Variants in RARB observed in about 807,000 individuals in gnomAD.
RARB encodes the protein retinoic acid receptor beta.
Under a neutral mutation model 51.9 loss-of-function variants are expected in RARB, and 17 were observed. That is an observed-to-expected ratio of 0.33 (90% CI 0.22 to 0.49). The LOEUF (loss-of-function observed/expected upper bound fraction) is 0.49, where lower values mean the gene tolerates loss of function less well. Among genes scored for constraint, RARB ranks in the 20% least tolerant of loss-of-function variants. The pLI is 0.99. For synonymous variants in RARB, 215 were observed against 195.4 expected (o/e 1.10, Z -0.84); for missense variants, 369 against 550.8 (o/e 0.67, Z 3.30).
At chr3:24,959,320 A>T (rs1183838910) in intron 2 of RARB, among the ~76,000 whole-genome samples, 3 of 152,192 alleles carry the variant, frequency 2.0e-5, no homozygotes, top group South Asian at 4.1e-4. Flanking sequence ...TTTATTGCCA[A>T]TGGAAGTGGC....
rs1335862161 is a variant in RARB at position 25,093,750 on chromosome 3, C to T, written c.-328+33574C>T. Among the ~76,000 whole-genome samples, 3 of 152,120 alleles carry T rather than the reference C, an allele frequency of 2.0e-5. No individual in the cohort carries two copies. The East Asian group carries it at 5.8e-4, about 30-fold the overall frequency. ...GATGACCATAGCTCCACCTGGACTG[C>T]AGACCACTCCTGTGGCCCAGCCAGA... On this transcript the variant is annotated intron_variant, in intron 3 of 11. Transcript: ENST00000383772.
chr3:25,283,744 G>C (rs914119302), intron 5 of RARB, among the ~76,000 whole-genome samples: 3 of 152,194 alleles, frequency 2.0e-5, no homozygotes, highest in African/African-American at 7.2e-5. Context: ...ACAGCCACAG[G>C]CCCTTCTAAG....
At chr3:24,845,847 C>T (rs756842938) in intron 1 of RARB, among the ~76,000 whole-genome samples, 1 of 152,188 alleles carries the variant, frequency 6.6e-6, no homozygotes, top group Non-Finnish European at 1.5e-5. Context: ...TTTCCTGTGT[C>T]TCACAAGGTT....
chr3:25,319,370 C>G (rs1704507060), intron 5 of RARB, among the ~76,000 whole-genome samples: 1 of 152,170 alleles, frequency 6.6e-6, no homozygotes, highest in Non-Finnish European at 1.5e-5. Context: ...GGAAAGATAA[C>G]TAGTTTCCCT....
At chr3:24,942,872 C>T (rs2125401017) in intron 2 of RARB, among the ~76,000 whole-genome samples, 1 of 152,104 alleles carries the variant, frequency 6.6e-6, no homozygotes, top group East Asian at 1.9e-4. Flanking sequence ...AACCTGGCTC[C>T]ATCATTTAGC....
chr3:24,901,033 C>T (rs187888467), intron 2 of RARB, among the ~76,000 whole-genome samples: 26 of 152,318 alleles, frequency 1.7e-4, no homozygotes, highest in Admixed American at 1.6e-3. Flanking sequence ...TGTGTTTTTC[C>T]CTCCACTAGT....
chr3:24,861,752 C>A (rs190067905), intron 2 of RARB, among the ~76,000 whole-genome samples: 1 of 152,122 alleles, frequency 6.6e-6, no homozygotes, highest in African/African-American at 2.4e-5. Flanking sequence ...TGATATCACA[C>A]GTCATGTAGC....
intron 5 of RARB, among the ~76,000 whole-genome samples, chr3:25,318,975 T>C (rs1196946865): frequency 1.3e-5 from 2 of 152,212 alleles, no homozygotes; most frequent in Non-Finnish European, 2.9e-5. Context: ...CGGGACTCCA[T>C]GTTTATGTTT....
rs1330195221 is a variant in RARB, at chr3:24,983,385, A to G, written c.-379-76740A>G. 2.7e-5 allele frequency among the ~76,000 whole-genome samples: 4 copies of G among 150,876 alleles called. No individual in the cohort carries two copies. The East Asian group carries it at 7.8e-4, about 29-fold the overall frequency. ...TTTTATATTTATTTATTTATTTTCT[A>G]CCTTAAGTGCTGGGATACATGTGCA... On this transcript the variant is annotated intron_variant, in intron 2 of 11. Transcript: ENST00000383772.
At chr3:25,026,544 C>A (rs1476066410) in intron 2 of RARB, among the ~76,000 whole-genome samples, 8 of 152,164 alleles carry the variant, frequency 5.3e-5, no homozygotes, top group African/African-American at 1.9e-4. Context: ...ATAAGGACAT[C>A]AGTCAGATTG....
intron 2 of RARB, among the ~76,000 whole-genome samples, chr3:25,487,194 C>T (rs1052341966): frequency 6.6e-6 from 1 of 152,156 alleles, no homozygotes; most frequent in Non-Finnish European, 1.5e-5. Context: ...AATAGACACA[C>T]ATTACAGACG....
At chr3:25,532,630 C>T (rs1698974401) in intron 3 of RARB, among the ~76,000 whole-genome samples, 1 of 152,192 alleles carries the variant, frequency 6.6e-6, no homozygotes, top group African/African-American at 2.4e-5. Flanking sequence ...GCTTGACCAA[C>T]TGATTTGGTT....
chr3:25,567,877 C>G (rs1176085789), intron 3 of RARB, among the ~76,000 whole-genome samples: 1 of 152,134 alleles, frequency 6.6e-6, no homozygotes, highest in Non-Finnish European at 1.5e-5. Flanking sequence ...TCAGGCATTC[C>G]CTCCCCTCAG....
At chr3:25,392,890 T>A (rs572505902) in intron 5 of RARB, among the ~76,000 whole-genome samples, 60 of 152,286 alleles carry the variant, frequency 3.9e-4, no homozygotes, top group African/African-American at 1.4e-3. Context: ...TTCTTTCTCT[T>A]GTCTGATTGC....
intron 1 of RARB, among the ~76,000 whole-genome samples, chr3:25,436,755 G>T (rs1389902032): frequency 2.0e-5 from 3 of 151,940 alleles, no homozygotes; most frequent in East Asian, 1.9e-4. Flanking sequence ...CTAGAGAAGG[G>T]GGTATAATAA....
At chr3:25,106,464 TTTTGTTTTG>T (rs1699505347) in intron 3 of RARB, among the ~76,000 whole-genome samples, 4 of 122,828 alleles carry the variant, frequency 3.3e-5, no homozygotes, top group South Asian at 2.6e-4. Context: ...TTTTGTTTTT[TTTTGTTTTG>T]TTTTTTTTTT....
intron 5 of RARB, among the ~76,000 whole-genome samples, chr3:25,285,366 T>C (rs1409769753): frequency 6.6e-6 from 1 of 152,062 alleles, no homozygotes; most frequent in East Asian, 1.9e-4. Context: ...TTTGATGCTC[T>C]AGGAAGAGAG....
Position 25,593,568 on chromosome 3 carries a change from C to T in RARB, c.852C>T (p.Thr284=). ...QDTMTFSDGL[T]LNRTQMHNAG... is the part of the protein sequence containing the mutation. ...CCATGACTTTCTCAGACGGCCTTAC[C>T]CTAAATCGAACTCAGATGCACAATG... Residue 284 remains threonine, a synonymous_variant, in exon 6 of 8, where the codon ACC becomes ACT. Transcript: ENST00000330688. The T allele has an allele frequency of 6.2e-7, 1 of 1,614,026 alleles. No homozygotes were observed. The highest frequency in any genetic ancestry group is 1.1e-5 in the South Asian group (1 of 91,082).
At chr3:25,051,288 T>C (rs1698327616) in intron 2 of RARB, among the ~76,000 whole-genome samples, 1 of 152,120 alleles carries the variant, frequency 6.6e-6, no homozygotes, top group South Asian at 2.1e-4. Context: ...ATTGTTGTTG[T>C]GAATGTTATA....
Sources: allele counts gnomAD v4.1 joint callset (sites outside exome capture counted in the v4.1 genomes callset), GRCh38; gene constraint gnomAD v4.1.1; transcripts MANE v1.5; gene names NCBI Gene and HGNC (gene_info 2026-07-23, HGNC 2026-07-21).